SPECC1: variants seen among roughly 807,000 people sequenced by gnomAD.
SPECC1 encodes cytospin-B.
A neutral mutation model predicts 104.1 loss-of-function variants in SPECC1; 62 were observed. The ratio of observed to expected loss-of-function variants is 0.60; its 90% CI spans 0.49 to 0.74. The LOEUF (loss-of-function observed/expected upper bound fraction) is 0.74. Among genes scored for constraint, SPECC1 ranks in the 30% least tolerant of loss-of-function variants. SPECC1 has a pLI of 0.00. For synonymous variants in SPECC1, 513 were observed against 501.6 expected (o/e 1.02, Z -0.30); for missense variants, 1,306 against 1,310.5 (o/e 1.00, Z 0.05).
chr17:20,261,122 G>T (rs1223440877), intron 12 of SPECC1, among the ~76,000 whole-genome samples: 1 of 152,206 alleles, frequency 6.6e-6, no homozygotes, highest in African/African-American at 2.4e-5. Flanking sequence ...TGTCAGTGAA[G>T]TAGTGGTGTG....
At chr17:20,266,032 A>T (rs1483139113) in intron 12 of SPECC1, among the ~76,000 whole-genome samples, 1 of 152,172 alleles carries the variant, frequency 6.6e-6, no homozygotes, top group East Asian at 1.9e-4. Flanking sequence ...TGATCTTCTT[A>T]CTTAAGATTG....
intron 1 of SPECC1, among the ~76,000 whole-genome samples, chr17:20,083,402 G>T (rs2047057542): frequency 6.6e-6 from 1 of 152,234 alleles, no homozygotes; most frequent in Non-Finnish European, 1.5e-5. Context: ...TTGTAGGTGT[G>T]GGGAGATGGC....
At chr17:20,092,731 G>A (rs2047458060) in intron 1 of SPECC1, among the ~76,000 whole-genome samples, 1 of 152,186 alleles carries the variant, frequency 6.6e-6, no homozygotes, top group African/African-American at 2.4e-5. Context: ...TGTGTGCCTG[G>A]CACCTGATGG....
At chr17:20,303,462 G>A (rs1264179727) in intron 13 of SPECC1, among the ~76,000 whole-genome samples, 1 of 152,170 alleles carries the variant, frequency 6.6e-6, no homozygotes, top group African/African-American at 2.4e-5. Context: ...GGAAGAAAAT[G>A]TGGTGGCTAC....
intron 12 of SPECC1, among the ~76,000 whole-genome samples, chr17:20,281,561 AG>A (rs1328290490): frequency 1.3e-5 from 2 of 152,176 alleles, no homozygotes; most frequent in Non-Finnish European, 2.9e-5. Context: ...ACCGCTAGTG[AG>A]TTGTGCAGAT....
chr17:20,042,546 A>G (rs931851804), intron 1 of SPECC1, among the ~76,000 whole-genome samples: 6 of 152,200 alleles, frequency 3.9e-5, no homozygotes, highest in African/African-American at 1.2e-4. Flanking sequence ...ATGCAGGGAT[A>G]AAAGTCGCAG....
intron 12 of SPECC1, 101 bp downstream of exon 12, chr17:20,260,395 A>T: frequency 1.1e-6 from 1 of 933,894 alleles, no homozygotes; most frequent in East Asian, 2.6e-5. Flanking sequence ...GCCAATATGC[A>T]TGTAATTGTC....
chr17:20,191,312 C>A (rs2035653551), intron 3 of SPECC1, among the ~76,000 whole-genome samples: 1 of 152,286 alleles, frequency 6.6e-6, no homozygotes, highest in African/African-American at 2.4e-5. Flanking sequence ...AAACTGTCTT[C>A]CAACGTGGCT....
intron 4 of SPECC1, among the ~76,000 whole-genome samples, chr17:20,223,169 C>T (rs1304440470): frequency 1.3e-5 from 2 of 151,966 alleles, no homozygotes; most frequent in Non-Finnish European, 2.9e-5. Context: ...CAATAACTTA[C>T]TAGATTTGCG....
intron 13 of SPECC1, among the ~76,000 whole-genome samples, chr17:20,302,671 G>A (rs1257283869): frequency 1.3e-5 from 2 of 150,612 alleles, no homozygotes; most frequent in Non-Finnish European, 3.0e-5. Context: ...AGAGTAGCTG[G>A]GATTACAGGC....
At chr17:20,269,733 G>A (rs963362912) in intron 12 of SPECC1, among the ~76,000 whole-genome samples, 2 of 152,196 alleles carry the variant, frequency 1.3e-5, no homozygotes, top group African/African-American at 2.4e-5. Flanking sequence ...AAACATGTCC[G>A]TGACTGCTGG....
chr17:20,110,961 A>T (rs1234731383), intron 3 of SPECC1, among the ~76,000 whole-genome samples: 1 of 152,082 alleles, frequency 6.6e-6, no homozygotes. Context: ...ACTGAACCCT[A>T]TGGAAAGCTG....
intron 4 of SPECC1, among the ~76,000 whole-genome samples, chr17:20,214,382 A>G (rs908503780): frequency 1.3e-5 from 2 of 152,176 alleles, no homozygotes; most frequent in African/African-American, 4.8e-5. Flanking sequence ...GAGGAATTTT[A>G]AGAGTTATGG....
At chr17:20,073,796 G>GATCC (rs2046654429) in intron 1 of SPECC1, 1 of 152,246 alleles carries the variant, frequency 6.6e-6, no homozygotes, top group African/African-American at 2.4e-5. Context: ...ATGTCTTACA[G>GATCC]ACCCAGTGGA....
At chr17:20,059,553 T>C (rs76721564) in intron 1 of SPECC1, among the ~76,000 whole-genome samples, 10,795 of 122,566 alleles carry the variant, frequency 0.088, 540 homozygotes, top group African/African-American at 0.17. Flanking sequence ...TAGACTGGCA[T>C]GAAGTGCAAC....
intron 13 of SPECC1, among the ~76,000 whole-genome samples, chr17:20,302,501 A>G (rs564641484): frequency 2.6e-5 from 4 of 152,194 alleles, no homozygotes; most frequent in South Asian, 2.1e-4. Flanking sequence ...CATTGGGATA[A>G]TAACACTTGG....
At chr17:20,125,885 A>G (rs754300163) in intron 3 of SPECC1, among the ~76,000 whole-genome samples, 2 of 152,158 alleles carry the variant, frequency 1.3e-5, no homozygotes, top group Admixed American at 6.5e-5. Flanking sequence ...GAGGACACAC[A>G]TGGTGGTGTC....
chr17:20,214,739 C>T (rs1213741189), intron 4 of SPECC1, among the ~76,000 whole-genome samples: 1 of 152,274 alleles, frequency 6.6e-6, no homozygotes, highest in African/African-American at 2.4e-5. Flanking sequence ...AACCCCTGAC[C>T]TTAAGTGATC....
At chr17:20,251,846 G>A (rs1040347275) in intron 9 of SPECC1, among the ~76,000 whole-genome samples, 5 of 152,048 alleles carry the variant, frequency 3.3e-5, no homozygotes, top group Non-Finnish European at 5.9e-5. Flanking sequence ...GTTTAGTATC[G>A]TTGCCATTTT....
Sources: allele counts gnomAD v4.1 joint callset (sites outside exome capture counted in the v4.1 genomes callset), GRCh38; gene constraint gnomAD v4.1.1; transcripts MANE v1.5; gene names NCBI Gene and HGNC (gene_info 2026-07-23, HGNC 2026-07-21).